Variants in ASMTL observed in about 807,000 individuals in gnomAD.
ASMTL encodes the protein probable bifunctional dTTP/UTP pyrophosphatase/methyltransferase protein.
A neutral mutation model predicts 60.3 loss-of-function variants in ASMTL; 57 were observed. The ratio of observed to expected loss-of-function variants is 0.95; its 90% confidence interval spans 0.76 to 1.18. ASMTL has a LOEUF of 1.18. Ranked by LOEUF, ASMTL falls within the 50% of genes most tolerant of loss-of-function variation. The probability of loss-of-function intolerance (pLI) is 0.00; values close to 1 mark genes in which losing one functional copy is unlikely to be tolerated. For missense variants in ASMTL, 981 were observed against 852.6 expected (o/e 1.15, Z -1.88); for synonymous variants, 419 against 373.0 (o/e 1.12, Z -1.42).
At chrX:1,439,645 G>C (rs184536119) in intron 2 of ASMTL, among the ~76,000 whole-genome samples, 10 of 151,822 alleles carry the variant, frequency 6.6e-5, no homozygotes, top group African/African-American at 2.2e-4. Flanking sequence ...TCAGGAGTTC[G>C]AGACCAGCCT....
At chrX:1,433,420 C>G (rs2090864991) in intron 5 of ASMTL, among the ~76,000 whole-genome samples, 2 of 146,802 alleles carry the variant, frequency 1.4e-5, no homozygotes, top group Non-Finnish European at 3.0e-5. Context: ...CATCCCAGCA[C>G]TTTGGGAGGC....
intron 12 of ASMTL, chrX:1,403,713 G>C (rs2089681899): frequency 1.7e-6 from 1 of 600,568 alleles, no homozygotes; most frequent in Non-Finnish European, 3.0e-6. Flanking sequence ...TGGATGGATA[G>C]ATGGATGCAT....
rs2090079462 is a variant in ASMTL at position 1,412,766 on chromosome X, C to G, written c.1611G>C (p.Lys537Asn). 4.3e-6 allele frequency: 7 copies of G among 1,613,986 alleles called. No homozygotes were observed. The highest frequency in any genetic ancestry group is 1.1e-5 in the South Asian group (1 of 91,072). ...LHDWPDDKVHKLLSRVAESCK... is the reference protein window; with the variant it reads ...LHDWPDDKVHNLLSRVAESCK... ...AGCTCTCGGCGACCCTGCTGAGTAA[C>G]TTGTGGACTTTGTCGTCTGGCCAGT... Residue 537 changes from lysine to asparagine, a missense_variant, in exon 12 of 13, where the codon AAG (lysine) becomes AAC (asparagine). Coordinates refer to ENST00000381317, the MANE Select transcript of ASMTL (RefSeq NM_004192.4).
chrX:1,432,208 G>T, intron 6 of ASMTL, 61 bp downstream of exon 6: 1 of 1,360,754 alleles, frequency 7.3e-7, no homozygotes, highest in Non-Finnish European at 1.0e-6. Context: ...GACACCCCAC[G>T]TGTGAGGGTG....
upstream of ASMTL, among the ~76,000 whole-genome samples, chrX:1,453,362 A>G (rs1440925249): frequency 2.0e-5 from 2 of 98,018 alleles, no homozygotes; most frequent in African/African-American, 3.9e-5. Flanking sequence ...CCCCCCGGGC[A>G]CCGCCCCGGC....
chrX:1,432,420 G>T, intron 5 of ASMTL, 43 bp from the exon 6 acceptor site: 1 of 1,487,690 alleles, frequency 6.7e-7, no homozygotes, highest in Non-Finnish European at 9.3e-7. Context: ...ACGCCAGCTT[G>T]TCACCTCCGT....
rs776878267 is a variant in ASMTL at position 1,419,041 on chromosome X, G to A, written c.1319C>T (p.Ala440Val). ...ATTGAAGGCCGTGGCCACCTGGCAC[G>A]CAGTCAGCTTCGTCATGCCGTGCAT... Reference protein sequence around the residue: ...RAMHGMTKLTACQVATAFNLS... With the variant: ...RAMHGMTKLTVCQVATAFNLS... Residue 440 changes from alanine to valine, a missense_variant, in exon 10 of 13, where the codon GCG (alanine) becomes GTG (valine). Physicochemically the swap from Ala to Val is moderately conservative, Grantham distance 64. Coordinates refer to ENST00000381317, the MANE Select transcript of ASMTL (RefSeq NM_004192.4). 1.6e-5 allele frequency: 25 copies of A among 1,611,444 alleles called. No individual in the cohort carries two copies. Among genetic ancestry groups the A allele is most frequent in the African/African-American group, 8.0e-5 (6 of 74,874 alleles).
intron 1 of ASMTL, among the ~76,000 whole-genome samples, chrX:1,450,437 G>A (rs1269707773): frequency 7.0e-6 from 1 of 143,252 alleles, no homozygotes; most frequent in African/African-American, 2.6e-5. Context: ...CCCACCCCTA[G>A]GGGGTCCCGG....
intron 12 of ASMTL, among the ~76,000 whole-genome samples, chrX:1,411,806 C>CTTTTTTTTTT (rs756437483): frequency 8.1e-5 from 7 of 86,148 alleles, no homozygotes; most frequent in African/African-American, 9.8e-5. Flanking sequence ...TTAGGATTTT[C>CTTTTTTTTTT]TTTTTTTTTT....
At chrX:1,419,932 G>A (rs1213253831) in intron 9 of ASMTL, among the ~76,000 whole-genome samples, 1 of 151,978 alleles carries the variant, frequency 6.6e-6, no homozygotes, top group South Asian at 2.1e-4. Flanking sequence ...TTCTCCCTTG[G>A]TCTCTGTCTG....
chrX:1,431,526 T>A lies in ASMTL; in HGVS notation c.509+743A>T, dbSNP rs1205825770. 1.7e-4 allele frequency among the ~76,000 whole-genome samples: 24 copies of A among 140,750 alleles called. No homozygotes were observed. The East Asian group carries it at 3.6e-3, about 21-fold the overall frequency. 92.3% of individuals were successfully genotyped at this position (140,750 alleles called of 152,430 possible). A position where few individuals can be genotyped will look rare whatever the true frequency, so the allele number is the denominator to read the frequency against. The stretch of plus-strand genomic sequence containing the variant: ...AAATTAATCATTAAAAATCATTAAA[T>A]TTCAATCAAAAGTGTTAATATATAA... On this transcript the variant is annotated intron_variant, in intron 6 of 12. Coordinates refer to ENST00000381317, the MANE Select transcript of ASMTL (RefSeq NM_004192.4).
intron 12 of ASMTL, 113 bp downstream of exon 12, chrX:1,412,619 T>G (rs1477114430): frequency 6.8e-7 from 1 of 1,460,538 alleles, no homozygotes; most frequent in African/African-American, 1.4e-5. Context: ...CGCCTCGGCC[T>G]CCCAAAGCGC....
intron 3 of ASMTL, among the ~76,000 whole-genome samples, chrX:1,436,779 C>T (rs1265766843): frequency 6.6e-6 from 1 of 152,230 alleles, no homozygotes; most frequent in Non-Finnish European, 1.5e-5. Context: ...AATAGTGCTG[C>T]TGTGAACATT....
chrX:1,421,694 G>A lies in ASMTL; in HGVS notation c.1209C>T (p.His403=). 1 of 1,613,936 alleles carries A rather than the reference G, an allele frequency of 6.2e-7. No homozygotes were observed. The highest frequency in any genetic ancestry group is 2.2e-5 in the East Asian group (1 of 44,888). The change falls in exon 9 of 13, where the codon CAC becomes CAT. Residue 403 remains histidine, a synonymous_variant. Coordinates refer to ENST00000381317, the MANE Select transcript of ASMTL (RefSeq NM_004192.4). ...FAIREGTNQH[H]RALGKKAEDL... Reference sequence around the variant, plus strand: ...CTTCCGCCTTCTTCCCCAACGCCCTGTGGTGCTGGTTTGTTCCCTCTCGGA... The same window carrying A: ...CTTCCGCCTTCTTCCCCAACGCCCTATGGTGCTGGTTTGTTCCCTCTCGGA...
chrX:1,431,088 AT>A (rs2090762995), intron 6 of ASMTL, among the ~76,000 whole-genome samples: 1 of 127,002 alleles, frequency 7.9e-6, no homozygotes, highest in Admixed American at 8.3e-5. Context: ...ATATTTCTAT[AT>A]TATATAAATA....
At chrX:1,445,490 A>G (rs6655423) in intron 1 of ASMTL, among the ~76,000 whole-genome samples, 8,137 of 152,138 alleles carry the variant, frequency 0.053, 733 homozygotes, top group African/African-American at 0.19. Context: ...GCCCGAACAT[A>G]GCACCTTTAA....
At chrX:1,417,876 G>C (rs1405993519) in intron 11 of ASMTL, 97 bp downstream of exon 11, 1 of 1,475,180 alleles carries the variant, frequency 6.8e-7, no homozygotes, top group African/African-American at 1.4e-5. Context: ...GAAACGCCCA[G>C]GCAGAAACAC....
At chrX:1,438,064 A>G (rs775742080) in intron 3 of ASMTL, among the ~76,000 whole-genome samples, 10 of 151,258 alleles carry the variant, frequency 6.6e-5, no homozygotes, top group Non-Finnish European at 7.4e-5. Flanking sequence ...TAAGGTGGGC[A>G]GATCACTTGA....
intron 6 of ASMTL, 51 bp from the exon 7 acceptor site, chrX:1,428,172 G>A: frequency 6.4e-7 from 1 of 1,551,806 alleles, no homozygotes; most frequent in South Asian, 1.2e-5. Flanking sequence ...AAAGTTCCTG[G>A]GTCTGAACAT....
Sources: allele counts gnomAD v4.1 joint callset (sites outside exome capture counted in the v4.1 genomes callset), GRCh38; gene constraint gnomAD v4.1.1; transcripts MANE v1.5; gene names NCBI Gene and HGNC (gene_info 2026-07-23, HGNC 2026-07-21).